Variants in STRBP observed in about 807,000 individuals in gnomAD.
STRBP encodes spermatid perinuclear RNA binding protein.
In STRBP, 13 loss-of-function variants were observed where a neutral mutation model predicts 80.1. That is an observed-to-expected ratio of 0.16 (90% CI 0.11 to 0.26). The LOEUF (loss-of-function observed/expected upper bound fraction) is 0.26, where lower values mean the gene tolerates loss of function less well. Ranked by LOEUF, STRBP falls within the 10% of genes least tolerant of loss-of-function variation. STRBP has a pLI of 1.00. For missense variants in STRBP, 485 were observed against 815.2 expected, an observed-to-expected ratio of 0.59 and a Z score of 4.93; for synonymous variants, 284 against 291.2, an observed-to-expected ratio of 0.98 and a Z score of 0.25.
chr9:123,125,808 A>G, intron 18 of STRBP, 135 bp from the exon 19 acceptor site: 1 of 559,746 alleles, frequency 1.8e-6, no homozygotes, highest in Non-Finnish European at 3.0e-6. Context: ...ACCATTTTGC[A>G]AGAGGCCCAT....
chr9:123,170,455 C>T (rs898199181), intron 5 of STRBP, among the ~76,000 whole-genome samples: 1 of 152,114 alleles, frequency 6.6e-6, no homozygotes, highest in African/African-American at 2.4e-5. Context: ...TGTAGAGCAG[C>T]CTGAACAGGA....
chr9:123,250,962 A>C (rs2040901545), intron 1 of STRBP, among the ~76,000 whole-genome samples: 1 of 152,098 alleles, frequency 6.6e-6, no homozygotes. Context: ...AAAAAACAAA[A>C]AACAAAAAAT....
At chr9:123,211,161 G>A (rs1438405704) in intron 2 of STRBP, among the ~76,000 whole-genome samples, 1 of 152,126 alleles carries the variant, frequency 6.6e-6, no homozygotes, top group Non-Finnish European at 1.5e-5. Context: ...ACAGGTAAAT[G>A]AATTAAACTA....
Position 123,241,154 on chromosome 9 carries a change from G to C in STRBP, c.-301-4188C>G, listed in dbSNP as rs999032548. ...AGATCACACCATGGTACTCCAGCCT[G>C]GGCAACAAGAGCAAAACTCCATCTC... On this transcript the variant is annotated intron_variant, in intron 1 of 18. Coordinates refer to ENST00000348403, the MANE Select transcript of STRBP (RefSeq NM_018387.5). Among the ~76,000 whole-genome samples, 12 of 148,750 alleles carry C rather than the reference G, an allele frequency of 8.1e-5. No individual in the cohort carries two copies. The South Asian group carries it at 1.3e-3, about 16-fold the overall frequency.
chr9:123,242,802 A>G (rs2040722172), intron 1 of STRBP, among the ~76,000 whole-genome samples: 1 of 152,230 alleles, frequency 6.6e-6, no homozygotes, highest in South Asian at 2.1e-4. Context: ...CATACAATTT[A>G]AGTAATTTGA....
rs111812215 is a variant in STRBP at position 123,169,621 on chromosome 9, A to G, written c.535+281T>C. ...AATGCAATACTAGACAAAGTAAAAC[A>G]GAACAGCAAATGGTATAAAAATTAA... is the stretch of plus-strand genomic sequence containing the variant. On this transcript the variant is annotated intron_variant, in intron 6 of 18. Transcript: ENST00000348403. Among the ~76,000 whole-genome samples, 544 of 152,344 alleles carry G rather than the reference A, an allele frequency of 3.6e-3. 2 individuals carry two copies. Among genetic ancestry groups the G allele is most frequent in the African/African-American group, 0.012 (493 of 41,590 alleles).
At chr9:123,219,326 A>G (rs1195474577) in intron 2 of STRBP, among the ~76,000 whole-genome samples, 4 of 151,952 alleles carry the variant, frequency 2.6e-5, no homozygotes, top group Admixed American at 6.6e-5. Flanking sequence ...TACGATTTCA[A>G]CCCCCCACAA....
intron 1 of STRBP, among the ~76,000 whole-genome samples, chr9:123,258,278 T>C (rs1452966553): frequency 6.6e-6 from 1 of 152,036 alleles, no homozygotes; most frequent in African/African-American, 2.4e-5. Flanking sequence ...ATAAGCAAAA[T>C]ATATCATAAG....
intron 3 of STRBP, among the ~76,000 whole-genome samples, chr9:123,181,361 G>A (rs565385822): frequency 6.6e-6 from 1 of 152,256 alleles, no homozygotes; most frequent in Non-Finnish European, 1.5e-5. Context: ...CCTGCACACC[G>A]GCCACACCTG....
At position 123,136,207 on chromosome 9, in the gene STRBP, A is replaced by G. The variant is rs1189703310; in HGVS notation, c.1633-26T>C. ...CTACAATCAAGAATAACACCTTGCA[A>G]TTATCCCATGCAATTCCTCTATGTC... On this transcript the variant is annotated intron_variant, in intron 15 of 18. Coordinates refer to ENST00000348403, the MANE Select transcript of STRBP (RefSeq NM_018387.5). The surrounding 1 kb of genome is among the most constrained non-coding windows in gnomAD (Gnocchi z 4.2). 9 of 1,613,614 alleles carry G rather than the reference A, an allele frequency of 5.6e-6. No homozygotes were observed. Among genetic ancestry groups the G allele is most frequent in the East Asian group, 2.2e-5 (1 of 44,872 alleles).
At chr9:123,170,575 C>T (rs2037965688) in intron 5 of STRBP, among the ~76,000 whole-genome samples, 1 of 152,148 alleles carries the variant, frequency 6.6e-6, no homozygotes, top group Admixed American at 6.5e-5. Context: ...CAGGAGGAAA[C>T]AATGAGTATA....
At chr9:123,240,300 T>TTAC (rs10635062) in intron 1 of STRBP, among the ~76,000 whole-genome samples, 58,274 of 151,890 alleles carry the variant, frequency 0.38, 18,195 homozygotes, top group African/African-American at 0.83. Flanking sequence ...GAAACCATTA[T>TTAC]ATTATTATGT....
At chr9:123,252,999 A>C (rs1474566776) in intron 1 of STRBP, among the ~76,000 whole-genome samples, 1 of 152,220 alleles carries the variant, frequency 6.6e-6, no homozygotes, top group African/African-American at 2.4e-5. Flanking sequence ...AAAGTTTTTT[A>C]ATAGGGGCAA....
intron 2 of STRBP, among the ~76,000 whole-genome samples, chr9:123,204,683 C>A (rs1462139501): frequency 6.6e-6 from 1 of 151,362 alleles, no homozygotes; most frequent in Non-Finnish European, 1.5e-5. Flanking sequence ...TTTGGGAGGC[C>A]GAAGTGGGTG....
At chr9:123,240,422 A>C (rs922648308) in intron 1 of STRBP, among the ~76,000 whole-genome samples, 5 of 152,234 alleles carry the variant, frequency 3.3e-5, no homozygotes, top group African/African-American at 1.2e-4. Context: ...AGAGAAACAC[A>C]GAGACGTATT....
intron 1 of STRBP, among the ~76,000 whole-genome samples, chr9:123,261,261 GAA>G (rs1011975124): frequency 9.9e-5 from 15 of 152,164 alleles, no homozygotes; most frequent in African/African-American, 3.4e-4. Flanking sequence ...TTCAGTCCAT[GAA>G]AAGACTTGTG....
intron 3 of STRBP, chr9:123,111,051 G>A (rs2035558006): frequency 6.0e-6 from 1 of 167,216 alleles, no homozygotes; most frequent in Non-Finnish European, 1.5e-5. Flanking sequence ...CGGAATAGAA[G>A]AGGTATTTTT....
At chr9:123,135,900 C>T in intron 16 of STRBP, 141 bp downstream of exon 16, 2 of 1,043,248 alleles carry the variant, frequency 1.9e-6, no homozygotes, top group Non-Finnish European at 2.8e-6. Context: ...TTATTCGTGA[C>T]CTAACCCAAA....
intron 13 of STRBP, among the ~76,000 whole-genome samples, chr9:123,141,381 T>C (rs975204968): frequency 2.0e-5 from 3 of 152,214 alleles, no homozygotes; most frequent in African/African-American, 7.2e-5. Flanking sequence ...GTTCTAAAAG[T>C]GCTCAGGTAA....
Sources: gnomAD v4.1 joint callset for allele counts (sites outside exome capture counted in the v4.1 genomes callset) on GRCh38, gnomAD v4.1.1 for gene constraint, Gnocchi (gnomAD v3.1) non-coding constraint, MANE v1.5 for transcripts, NCBI Gene and HGNC (gene_info 2026-07-23, HGNC 2026-07-21) for gene names.